TBX3: variants seen among roughly 807,000 people sequenced by gnomAD.
The protein encoded by TBX3 is T-box transcription factor 3.
In TBX3, 11 loss-of-function variants were observed where a neutral mutation model predicts 47.8. The observed-to-expected ratio is 0.23, with a 90% CI of 0.14 to 0.38. The LOEUF is 0.38. Ranked by LOEUF, TBX3 falls within the 10% of genes least tolerant of loss-of-function variation. The pLI, the probability that TBX3 is intolerant of heterozygous loss-of-function variation, is 1.00. For synonymous variants in TBX3, 500 were observed against 449.3 expected (o/e 1.11, Z -1.43); for missense variants, 927 against 1,022.8 (o/e 0.91, Z 1.28).
intron 4 of TBX3, among the ~76,000 whole-genome samples, chr12:114,677,145 T>C (rs1868748002): frequency 6.6e-6 from 1 of 152,204 alleles, no homozygotes; most frequent in Non-Finnish European, 1.5e-5. Context: ...TGCAAAATGA[T>C]ACATGTCCCC....
In TBX3 at chr12:114,671,227, T is replaced by C. The variant is rs1056255973; in HGVS notation, c.*614A>G. On this transcript the variant is annotated 3_prime_UTR_variant, in exon 7 of 7. Coordinates refer to ENST00000349155, the MANE Select transcript of TBX3 (RefSeq NM_005996.4). Reference sequence around the variant, plus strand: ...TACTGTGGACATGCAAGAAGAGACCTACAGCGGCTCTGAAAACATCACAAG... The same window carrying C: ...TACTGTGGACATGCAAGAAGAGACCCACAGCGGCTCTGAAAACATCACAAG... 3 of 227,194 alleles carry C rather than the reference T, an allele frequency of 1.3e-5. No individual in the cohort carries two copies. The highest frequency in any genetic ancestry group is 2.6e-5 in the Non-Finnish European group (3 of 114,490). 14.1% of individuals were successfully genotyped at this position (227,194 alleles called of 1,614,324 possible). A position where few individuals can be genotyped will look rare whatever the true frequency, so the allele number is the denominator to read the frequency against.
intron 3 of TBX3, among the ~76,000 whole-genome samples, chr12:114,678,020 TCACACACACACACACACACA>T (rs3068592): frequency 1.4e-5 from 2 of 144,252 alleles, no homozygotes; most frequent in African/African-American, 2.5e-5. Flanking sequence ...CATACTCCCT[TCACACACACACACACACACA>T]CACACACACA....
chr12:114,674,237 C>T lies in TBX3; in HGVS notation c.1638G>A (p.Ala546=), dbSNP rs760080442. 7 of 1,575,632 alleles carry T rather than the reference C, an allele frequency of 4.4e-6. No individual in the cohort carries two copies. The South Asian group carries it at 7.0e-5, about 16-fold the overall frequency. Residue 546 remains alanine (A), a synonymous_variant, in exon 6 of 7, where the codon GCG becomes GCA. Transcript: ENST00000349155. ...CGGACGCCCCGGACAGTCCCTGCGC[C>T]GCAGCGGCAGAGGCCATGGCCGTGG... ...LDSTAMASAA[A]AQGLSGASAA...
chr12:114,672,338 G>C, intron 6 of TBX3, 36 bp from the exon 7 acceptor site: 1 of 1,489,308 alleles, frequency 6.7e-7, no homozygotes, highest in Non-Finnish European at 8.9e-7. Flanking sequence ...CGAGTCAGCC[G>C]GGTGGGAGGA....
intron 6 of TBX3, among the ~76,000 whole-genome samples, chr12:114,673,671 C>T (rs1038430651): frequency 9.2e-5 from 14 of 152,202 alleles, no homozygotes; most frequent in African/African-American, 3.4e-4. Context: ...GACATGTCAG[C>T]TCTGAAGCTA....
At chr12:114,682,690 C>T in intron 1 of TBX3, 122 bp downstream of exon 1, 2 of 1,486,698 alleles carry the variant, frequency 1.3e-6, no homozygotes, top group Non-Finnish European at 1.9e-6. Flanking sequence ...GCATACATTT[C>T]TAGGGGAACT....
chr12:114,674,371 G>A lies in TBX3; in HGVS notation c.1504C>T (p.Pro502Ser). The A allele has an allele frequency of 2.6e-6, 4 of 1,554,626 alleles. No homozygotes were observed. The highest frequency in any genetic ancestry group is 3.5e-6 in the Non-Finnish European group (4 of 1,149,372). ...GCGCCCCCCATGGCAAACTGGCTGG[G>A]GTGCAGGAAGAGCGGGTGCCCGTTG... ...FFNGHPLFLH[P>S]SQFAMGGAFS... The change falls in exon 6 of 7, where the codon CCC becomes TCC. Residue 502 changes from proline to serine, a missense_variant. Physicochemically the swap from Pro to Ser is moderately conservative, Grantham distance 74. This residue lies in a region of TBX3 where 623 missense variants were observed against 569.0 expected (regional missense o/e 1.09). Coordinates refer to ENST00000349155, the MANE Select transcript of TBX3 (RefSeq NM_005996.4).
rs1299722140 is a variant in TBX3 at position 114,681,019 on chromosome 12, C to T, written c.517G>A (p.Ala173Thr). The change falls in exon 2 of 7, where the codon GCT (alanine) becomes ACT (threonine). Residue 173 changes from alanine (A) to threonine (T), a missense_variant. Ala to Thr is a moderately conservative substitution (Grantham distance 58, BLOSUM62 0). This residue lies in a region of TBX3 where 216 missense variants were observed against 281.2 expected (regional missense o/e 0.77). Transcript: ENST00000349155. ...GGCATTTCGGGGTCGGCCTTACCAG[C>T]CACCATCCACCGAGAATTGTGAAAT... ...YKFHNSRWMV[A>T]GKADPEMPKR... 2 of 1,613,098 alleles carry T rather than the reference C, an allele frequency of 1.2e-6. No individual in the cohort carries two copies. Among genetic ancestry groups the T allele is most frequent in the African/African-American group, 1.3e-5 (1 of 74,568 alleles).
intron 6 of TBX3, 79 bp downstream of exon 6, chr12:114,674,086 G>A (rs1330015278): frequency 6.5e-7 from 1 of 1,529,346 alleles, no homozygotes; most frequent in Non-Finnish European, 8.9e-7. Context: ...AAGGGATCGG[G>A]TGAGGGTCTG....
At chr12:114,681,614 G>A (rs1197993391) in intron 1 of TBX3, among the ~76,000 whole-genome samples, 2 of 152,120 alleles carry the variant, frequency 1.3e-5, no homozygotes, top group South Asian at 2.1e-4. Context: ...GGAAATGAAC[G>A]TCAAGTTGCA....
chr12:114,675,591 T>G (rs1868670656), intron 5 of TBX3, among the ~76,000 whole-genome samples: 1 of 152,156 alleles, frequency 6.6e-6, no homozygotes, highest in Admixed American at 6.5e-5. Context: ...CATAAAGGAC[T>G]TGCATTTTAT....
At position 114,684,071 on chromosome 12, in the gene TBX3, G is replaced by GGAGAGAGAGAGA. The variant is rs57078153; in HGVS notation, c.-883_-872dup. On this transcript the variant is annotated 5_prime_UTR_variant, in exon 1 of 7. Coordinates refer to ENST00000349155, the MANE Select transcript of TBX3 (RefSeq NM_005996.4). ...TGGAACAGAGGGAAAGAGAGGGAGG[G>GGAGAGAGAGAGA]GAGAGAGAGAGAGAGAGAGAGAGAC... 971 of 221,240 alleles carry GGAGAGAGAGAGA rather than the reference G, an allele frequency of 4.4e-3. 9 individuals are homozygous for GGAGAGAGAGAGA. The highest frequency in any genetic ancestry group is 0.019 in the African/African-American group (831 of 43,348). 13.7% of individuals were successfully genotyped at this position (221,240 alleles called of 1,614,324 possible).
In TBX3 at chr12:114,683,012, C is replaced by A. The variant is rs567918907; in HGVS notation, c.189G>T (p.Pro63=). The change falls in exon 1 of 7, where the codon CCG becomes CCT. Residue 63 remains proline (P), a synonymous_variant. Transcript: ENST00000349155. This position sits in a 1 kb window ranked among gnomAD's most constrained non-coding sequence, Gnocchi z 7.7. ...ALSLPGALAK[P]IMDQLVGAAE... ...CCGCCCCCACCAATTGATCCATGAT[C>A]GGCTTGGCCAGGGCGCCCGGCAGCG... is the stretch of plus-strand genomic sequence containing the variant. 7 of 1,612,542 alleles carry A rather than the reference C, an allele frequency of 4.3e-6. No individual in the cohort carries two copies. In the East Asian group the frequency reaches 1.6e-4, roughly 36 times the overall value.
At chr12:114,678,498 C>G (rs1037552910) in intron 3 of TBX3, among the ~76,000 whole-genome samples, 5 of 152,186 alleles carry the variant, frequency 3.3e-5, no homozygotes, top group Admixed American at 1.3e-4. Context: ...ATAAATTGCT[C>G]TATTGAAGAC....
intron 2 of TBX3, chr12:114,679,893 T>C: frequency 6.2e-7 from 1 of 1,613,056 alleles, no homozygotes; most frequent in Non-Finnish European, 8.5e-7. Context: ...GGATCATTCA[T>C]ACCTTGAACC....
rs748098418 is a variant in TBX3, at chr12:114,672,073, G to A, written c.1940C>T (p.Ala647Val). 3 of 1,566,616 alleles carry A rather than the reference G, an allele frequency of 1.9e-6. No homozygotes were observed. Among genetic ancestry groups the A allele is most frequent in the African/African-American group, 1.4e-5 (1 of 73,854 alleles). The change falls in exon 7 of 7, where the codon GCG becomes GTG. Residue 647 changes from alanine to valine, a missense_variant. Around this residue, in one of 5 missense-constraint regions of TBX3, gnomAD observed 623 missense variants for 569.0 expected, o/e 1.09. Transcript: ENST00000349155. The part of the protein sequence containing the change: ...TTALPSMAAA[A>V]GPLDGKVAAL... Reference sequence around the variant, plus strand: ...GGCGACTTTGCCGTCCAGGGGCCCCGCGGCCGCCGCCATGGAGGGCAGGGC... The same window carrying A: ...GGCGACTTTGCCGTCCAGGGGCCCCACGGCCGCCGCCATGGAGGGCAGGGC...
rs369999628 is a variant in TBX3 at position 114,674,585 on chromosome 12, G to A, written c.1290C>T (p.Gly430=). Residue 430 remains glycine (G), a synonymous_variant, in exon 6 of 7, where the codon GGC becomes GGT. Coordinates refer to ENST00000349155, the MANE Select transcript of TBX3 (RefSeq NM_005996.4). ...GAACCGGGCTCCTGCGCTCCTCCGC[G>A]CCCAGGCCGCGAGTGCTGGACGAGA... ...ATISSSTRGL[G]AEERRSPVRE... 7.4e-5 allele frequency: 117 copies of A among 1,588,682 alleles called. No individual in the cohort carries two copies. In the African/African-American group the frequency reaches 1.4e-3, roughly 19 times the overall value.
In TBX3 at chr12:114,683,997, A is replaced by C. The variant is rs1869075276; in HGVS notation, c.-797T>G. ...AAAACGTGAGCGAATTCGCTTCCTA[A>C]ATCTGTGTCCAGGCGCGCAGGGCAG... On this transcript the variant is annotated 5_prime_UTR_variant, in exon 1 of 7. It adds an upstream start codon to the 5' untranslated region. Transcript: ENST00000349155. The surrounding 1 kb of genome is among the most constrained non-coding windows in gnomAD (Gnocchi z 7.7). The C allele has an allele frequency of 4.4e-6, 1 of 229,208 alleles. No homozygotes were observed. The highest frequency in any genetic ancestry group is 8.6e-6 in the Non-Finnish European group (1 of 115,756). The allele number at this position is 229,208 out of a possible 1,614,324, so 14.2% of individuals were successfully genotyped here.
Position 114,672,288 on chromosome 12 carries a change from G to A in TBX3, c.1725C>T (p.Ser575=). The change falls in exon 7 of 7, where the codon TCC becomes TCT. Residue 575 remains serine, a synonymous_variant. Transcript: ENST00000349155. ...GGTAAGGGAACAGGCTTCCGAAAGG[G>A]GACATGGCCAGGCCCTGGGGTGAGA... ...HVLASQGLAM[S]PFGSLFPYPY... 6.4e-7 allele frequency: 1 copy of A among 1,565,454 alleles called. No homozygotes were observed. Among genetic ancestry groups the A allele is most frequent in the Admixed American group, 1.9e-5 (1 of 52,078 alleles).
Sources: gnomAD v4.1 joint callset for allele counts (sites outside exome capture counted in the v4.1 genomes callset) on GRCh38, gnomAD v4.1.1 for gene constraint, gnomAD v4.1.1 regional missense constraint, Gnocchi (gnomAD v3.1) non-coding constraint, MANE v1.5 for transcripts, NCBI Gene and HGNC (gene_info 2026-07-23, HGNC 2026-07-21) for gene names.